SPON1: variants seen among roughly 807,000 people sequenced by gnomAD.
SPON1 encodes the protein spondin-1.
In SPON1, 52 loss-of-function variants were observed where a neutral mutation model predicts 111.7. That is an observed-to-expected ratio of 0.47 (90% CI 0.37 to 0.59). The LOEUF (loss-of-function observed/expected upper bound fraction) is 0.59, where lower values mean the gene tolerates loss of function less well. Among genes scored for constraint, SPON1 ranks in the 20% least tolerant of loss-of-function variants. The pLI is 0.00. For missense variants in SPON1, 957 were observed against 1,068.5 expected, an observed-to-expected ratio of 0.90 and a Z score of 1.46; for synonymous variants, 410 against 395.8, an observed-to-expected ratio of 1.04 and a Z score of -0.43.
intron 7 of SPON1, among the ~76,000 whole-genome samples, chr11:14,244,620 T>G (rs1848967590): frequency 6.6e-6 from 1 of 151,832 alleles, no homozygotes; most frequent in South Asian, 2.1e-4. Context: ...TGGTGGCGCA[T>G]GCCTGTAGTC....
At chr11:14,209,531 G>A (rs1848552501) in intron 6 of SPON1, among the ~76,000 whole-genome samples, 1 of 152,060 alleles carries the variant, frequency 6.6e-6, no homozygotes, top group South Asian at 2.1e-4. Context: ...CTGTTCCTGT[G>A]TTAGTTTGCT....
chr11:14,170,905 A>G (rs1422667029), intron 6 of SPON1, among the ~76,000 whole-genome samples: 1 of 152,164 alleles, frequency 6.6e-6, no homozygotes, highest in Admixed American at 6.5e-5. Flanking sequence ...CCAGTATTTT[A>G]TTGAGGATTT....
At chr11:13,995,154 A>T (rs781875526) in intron 2 of SPON1, among the ~76,000 whole-genome samples, 1 of 152,192 alleles carries the variant, frequency 6.6e-6, no homozygotes, top group Non-Finnish European at 1.5e-5. Context: ...ATTTCTAACC[A>T]CTAGCACTGT....
In SPON1 at chr11:14,259,233, G is replaced by C. The variant is rs75288540; in HGVS notation, c.1493-47G>C. ...GTTCCCACCGCGCAGCCTGGCAGGC[G>C]CCCCTGCCACCGTGCACTGCTGCAG... is the stretch of plus-strand genomic sequence containing the variant. On this transcript the variant is annotated intron_variant, in intron 11 of 15. Coordinates refer to ENST00000576479, the MANE Select transcript of SPON1 (RefSeq NM_006108.4). This position sits in a 1 kb window ranked among gnomAD's most constrained non-coding sequence, Gnocchi z 5.0. The C allele has an allele frequency of 1.3e-6, 2 of 1,518,392 alleles. No homozygotes were observed. The highest frequency in any genetic ancestry group is 2.7e-5 in the African/African-American group (2 of 72,772). The allele number at this position is 1,518,392 out of a possible 1,614,324, so 94.1% of individuals were successfully genotyped here.
rs1342342442 is a variant in SPON1, at chr11:14,039,631, TA to T, written c.346-1887del. ...GACCTAAATGTGAAAGGGAAAATTA[TA>T]AAGCTAATGAAAGAAAATATTGGAG... On this transcript the variant is annotated intron_variant, in intron 2 of 15. Transcript: ENST00000576479. 2.6e-5 allele frequency among the ~76,000 whole-genome samples: 4 copies of T among 152,134 alleles called. No homozygotes were observed. In the East Asian group the frequency reaches 5.8e-4, roughly 22 times the overall value.
intron 5 of SPON1, among the ~76,000 whole-genome samples, chr11:14,122,451 G>A: frequency 6.6e-6 from 1 of 152,300 alleles, no homozygotes; most frequent in Admixed American, 6.5e-5. Context: ...GGGATTACAG[G>A]CGTGAGCCAC....
chr11:13,963,041 G>C lies in SPON1; in HGVS notation c.137G>C (p.Arg46Pro). 1.3e-6 allele frequency: 2 copies of C among 1,583,562 alleles called. No individual in the cohort carries two copies. The highest frequency in any genetic ancestry group is 8.6e-7 in the Non-Finnish European group (1 of 1,166,218). The stretch of plus-strand genomic sequence containing the variant: ...CCCAAGTCAGAGGGCTACTGCAGCC[G>C]TATCCTGCGCGCCCAGGGCACGCGG... The part of the protein sequence containing the change: ...KVPKSEGYCS[R>P]ILRAQGTRRE... The change falls in exon 1 of 16, where the codon CGT becomes CCT. Residue 46 changes from arginine (R) to proline (P), a missense_variant. Physicochemically the swap from Arg to Pro is moderately radical, Grantham distance 103. Transcript: ENST00000576479.
intron 6 of SPON1, among the ~76,000 whole-genome samples, chr11:14,222,389 G>A (rs782683590): frequency 5.3e-5 from 8 of 152,142 alleles, no homozygotes; most frequent in Non-Finnish European, 1.0e-4. Context: ...TGAGACATAC[G>A]GCAAAGATTC....
intron 5 of SPON1, among the ~76,000 whole-genome samples, chr11:14,120,042 G>T (rs1428307650): frequency 6.6e-6 from 1 of 152,106 alleles, no homozygotes; most frequent in Non-Finnish European, 1.5e-5. Flanking sequence ...AGTTAAACTG[G>T]ACAGTGCCAC....
chr11:14,094,911 C>T (rs778608681), intron 5 of SPON1, among the ~76,000 whole-genome samples: 1 of 152,028 alleles, frequency 6.6e-6, no homozygotes, highest in African/African-American at 2.4e-5. Flanking sequence ...TGGACTGCAG[C>T]GGTGAAAGTG....
chr11:14,253,846 A>T (rs1345900870), intron 7 of SPON1, among the ~76,000 whole-genome samples: 1 of 152,244 alleles, frequency 6.6e-6, no homozygotes, highest in Non-Finnish European at 1.5e-5. Context: ...ATAATATGGG[A>T]CTGCCACCCG....
At chr11:14,134,042 C>CTTTT (rs5789824) in intron 5 of SPON1, among the ~76,000 whole-genome samples, 1 of 142,028 alleles carries the variant, frequency 7.0e-6, no homozygotes, top group African/African-American at 2.6e-5. Flanking sequence ...TTCTTTCTTT[C>CTTTT]TTTTTTTTTT....
chr11:14,256,895 C>A (rs1200855310), intron 10 of SPON1, among the ~76,000 whole-genome samples: 1 of 152,152 alleles, frequency 6.6e-6, no homozygotes, highest in Non-Finnish European at 1.5e-5. Context: ...GATATGACAT[C>A]AGAATATATA....
At position 14,260,465 on chromosome 11, in the gene SPON1, G is replaced by A. The variant is rs545506789; in HGVS notation, c.1832-123G>A. On this transcript the variant is annotated intron_variant, in intron 13 of 15. Transcript: ENST00000576479. ...GATTTCACTCTTATTTGAACCCATG[G>A]GCCAATTCCACTTTATTCCAGGGGC... The A allele has an allele frequency of 1.9e-4, 196 of 1,044,122 alleles. 1 individual carries two copies. The South Asian group carries it at 3.1e-3, about 17-fold the overall frequency. The allele number at this position is 1,044,122 out of a possible 1,614,324, so 64.7% of individuals were successfully genotyped here.
chr11:14,167,784 A>G (rs1848047863), intron 6 of SPON1, among the ~76,000 whole-genome samples: 1 of 152,140 alleles, frequency 6.6e-6, no homozygotes, highest in Non-Finnish European at 1.5e-5. Context: ...CCACATCAGT[A>G]TGATTTTAAT....
chr11:14,222,362 G>A (rs578027588), intron 6 of SPON1, among the ~76,000 whole-genome samples: 1 of 152,294 alleles, frequency 6.6e-6, no homozygotes, highest in South Asian at 2.1e-4. Flanking sequence ...ACATCTTCTT[G>A]AGCTGTCTTG....
chr11:14,004,976 TA>T (rs572502197), intron 2 of SPON1, among the ~76,000 whole-genome samples: 8 of 152,096 alleles, frequency 5.3e-5, no homozygotes, highest in African/African-American at 1.9e-4. Context: ...CTGGATGATT[TA>T]AAAAAAATTT....
At chr11:14,213,274 C>T (rs1473703938) in intron 6 of SPON1, among the ~76,000 whole-genome samples, 1 of 152,136 alleles carries the variant, frequency 6.6e-6, no homozygotes, top group African/African-American at 2.4e-5. Context: ...TCAGAAAACA[C>T]TTTGTGTAAG....
At chr11:14,182,913 AG>A (rs1243394541) in intron 6 of SPON1, among the ~76,000 whole-genome samples, 7 of 152,312 alleles carry the variant, frequency 4.6e-5, no homozygotes, top group African/African-American at 1.7e-4. Context: ...AAATGAGCCC[AG>A]GTGTTGAGAG....
Sources: allele counts gnomAD v4.1 joint callset (sites outside exome capture counted in the v4.1 genomes callset), GRCh38; gene constraint gnomAD v4.1.1; non-coding constraint Gnocchi (gnomAD v3.1); transcripts MANE v1.5; gene names NCBI Gene and HGNC (gene_info 2026-07-23, HGNC 2026-07-21).